Variants in FHIT observed in about 807,000 individuals in gnomAD.
FHIT encodes the protein bis(5'-adenosyl)-triphosphatase.
A neutral mutation model predicts 17.9 loss-of-function variants in FHIT; 19 were observed. The ratio of observed to expected loss-of-function variants is 1.06; its 90% CI spans 0.74 to 1.56. FHIT has a LOEUF of 1.56. Ranked by LOEUF, FHIT falls within the 40% of genes most tolerant of loss-of-function variation. The pLI is 0.00. For missense variants in FHIT, 248 were observed against 189.2 expected (o/e 1.31, Z -1.82); for synonymous variants, 81 against 69.7 (o/e 1.16, Z -0.81).
chr3:60,631,057 G>A (rs10510852), intron 4 of FHIT, among the ~76,000 whole-genome samples: 33,341 of 151,760 alleles, frequency 0.22, 3,786 homozygotes, highest in Admixed American at 0.26. Flanking sequence ...GTTTCAAAGA[G>A]GAGGCAGATA....
chr3:60,045,963 A>G (rs930373123), intron 5 of FHIT, among the ~76,000 whole-genome samples: 2 of 152,248 alleles, frequency 1.3e-5, no homozygotes, highest in Non-Finnish European at 2.9e-5. Flanking sequence ...GTACATTTCT[A>G]CAGCCAACTC....
In FHIT at chr3:60,853,901, A is replaced by G. The variant is rs187761535; in HGVS notation, c.-110-31890T>C. ...TGATTTTTCCCAAGATTTGTTAAAC[A>G]TAGTCCCTTTGGTGTCCTTAGTAAC... On this transcript the variant is annotated intron_variant, in intron 3 of 9. Coordinates refer to ENST00000492590, the MANE Select transcript of FHIT (RefSeq NM_002012.4). Among the ~76,000 whole-genome samples, 275 of 152,322 alleles carry G rather than the reference A, an allele frequency of 1.8e-3. 3 individuals are homozygous for G. Among genetic ancestry groups the G allele is most frequent in the African/African-American group, 6.5e-3 (271 of 41,568 alleles).
intron 2 of FHIT, among the ~76,000 whole-genome samples, chr3:61,127,663 G>A (rs980631117): frequency 1.8e-4 from 27 of 151,962 alleles, no homozygotes; most frequent in African/African-American, 5.6e-4. Context: ...TCAGGAGTTC[G>A]AGACCAGCCT....
intron 2 of FHIT, among the ~76,000 whole-genome samples, chr3:61,132,793 C>T (rs896139193): frequency 1.3e-4 from 20 of 152,070 alleles, no homozygotes; most frequent in Middle Eastern, 3.4e-3. Context: ...CATTCCAGAA[C>T]GTTAAGATCT....
At chr3:59,750,953 C>CAACTT (rs1314355305) in intron 9 of FHIT, 1 of 187,330 alleles carries the variant, frequency 5.3e-6, no homozygotes, top group Non-Finnish European at 1.1e-5. Context: ...TCTACTTCTG[C>CAACTT]AACTTATAAC....
intron 5 of FHIT, among the ~76,000 whole-genome samples, chr3:60,239,925 A>G (rs1705041201): frequency 6.6e-6 from 1 of 152,168 alleles, no homozygotes; most frequent in African/African-American, 2.4e-5. Context: ...TATGACCACA[A>G]GTTGGTCAGT....
At chr3:60,424,157 A>AT (rs964991362) in intron 5 of FHIT, among the ~76,000 whole-genome samples, 15 of 152,106 alleles carry the variant, frequency 9.9e-5, no homozygotes, top group African/African-American at 3.6e-4. Flanking sequence ...GAGAACACTG[A>AT]TTTTACTGAT....
rs372053045 is a variant in FHIT at position 60,175,593 on chromosome 3, T to C, written c.104-161441A>G. 3.9e-5 allele frequency among the ~76,000 whole-genome samples: 6 copies of C among 152,266 alleles called. No homozygotes were observed. In the East Asian group the frequency reaches 9.6e-4, roughly 24 times the overall value. ...AATGGCAATACGAGCAAAGTTACAA[T>C]GCATACTTCAGAAAGGAGAGGTAAG... On this transcript the variant is annotated intron_variant, in intron 5 of 9. Transcript: ENST00000492590.
intron 1 of FHIT, among the ~76,000 whole-genome samples, chr3:61,212,734 G>C (rs994619458): frequency 7.2e-5 from 11 of 152,192 alleles, no homozygotes; most frequent in Non-Finnish European, 1.5e-4. Flanking sequence ...AGGAAAAAAT[G>C]TTAAGGGCAG....
intron 5 of FHIT, among the ~76,000 whole-genome samples, chr3:60,343,886 T>A (rs1351303732): frequency 6.6e-6 from 1 of 152,210 alleles, no homozygotes; most frequent in African/African-American, 2.4e-5. Flanking sequence ...AAGCATGCTT[T>A]TGGTGGCTCA....
chr3:60,150,914 G>A (rs1404257960), intron 5 of FHIT, among the ~76,000 whole-genome samples: 10 of 141,404 alleles, frequency 7.1e-5, no homozygotes, highest in East Asian at 2.4e-4. Context: ...GCTAGACTCC[G>A]CCTCAAAAAA....
rs148443794 is a variant in FHIT, at chr3:60,981,241, T to C, written c.-111+60806A>G. 3.6e-3 allele frequency among the ~76,000 whole-genome samples: 541 copies of C among 151,452 alleles called. 3 individuals carry two copies. The highest frequency in any genetic ancestry group is 0.013 in the African/African-American group (526 of 41,274). ...GAATAAAAGTGAAAGTTTGCTAAGG[T>C]CCCAAGGCAACATCTCTGACCAGGC... On this transcript the variant is annotated intron_variant, in intron 3 of 9. Coordinates refer to ENST00000492590, the MANE Select transcript of FHIT (RefSeq NM_002012.4).
intron 1 of FHIT, among the ~76,000 whole-genome samples, chr3:61,226,813 T>G (rs2039983050): frequency 6.6e-6 from 1 of 152,210 alleles, no homozygotes; most frequent in African/African-American, 2.4e-5. Flanking sequence ...ATGACTTTTT[T>G]CATCCTCCAG....
At chr3:60,724,679 C>T (rs1344656909) in intron 4 of FHIT, among the ~76,000 whole-genome samples, 2 of 123,126 alleles carry the variant, frequency 1.6e-5, no homozygotes, top group Non-Finnish European at 1.6e-5. Context: ...TTTTTTGAGA[C>T]AGCCTGTCAC....
intron 5 of FHIT, among the ~76,000 whole-genome samples, chr3:60,134,516 A>G (rs10510828): frequency 0.4 from 60,146 of 152,088 alleles, 12,965 homozygotes; most frequent in Middle Eastern, 0.51. Context: ...ATACCTACAT[A>G]GGTCATAGAT....
intron 1 of FHIT, among the ~76,000 whole-genome samples, chr3:61,222,084 C>T (rs1462104583): frequency 3.3e-5 from 5 of 152,194 alleles, no homozygotes; most frequent in Non-Finnish European, 7.3e-5. Flanking sequence ...CTGGTTGTGC[C>T]CTCCTCTGAA....
At chr3:60,062,700 G>T (rs1054047605) in intron 5 of FHIT, among the ~76,000 whole-genome samples, 4 of 152,178 alleles carry the variant, frequency 2.6e-5, no homozygotes, top group African/African-American at 4.8e-5. Context: ...CGCTGTTTGA[G>T]AAATGTTCTT....
intron 7 of FHIT, among the ~76,000 whole-genome samples, chr3:59,984,690 G>GAA (rs1418876556): frequency 6.6e-6 from 1 of 152,024 alleles, no homozygotes; most frequent in Admixed American, 6.6e-5. Flanking sequence ...ACACACTTAT[G>GAA]AAAATGTGCC....
At chr3:60,103,026 T>C (rs567321515) in intron 5 of FHIT, among the ~76,000 whole-genome samples, 1 of 152,316 alleles carries the variant, frequency 6.6e-6, no homozygotes, top group Admixed American at 6.5e-5. Flanking sequence ...ACCCCTGTAG[T>C]ATAGAAATTA....
Sources: allele counts gnomAD v4.1 joint callset (sites outside exome capture counted in the v4.1 genomes callset), GRCh38; gene constraint gnomAD v4.1.1; transcripts MANE v1.5; gene names NCBI Gene and HGNC (gene_info 2026-07-23, HGNC 2026-07-21).